NBAS: variants seen among roughly 807,000 people sequenced by gnomAD.
The protein encoded by NBAS is NAG/BC035112 fusion.
NBAS carries 219 observed loss-of-function variants against 302.5 expected under a neutral mutation model. That is an observed-to-expected ratio of 0.72 (90% CI 0.65 to 0.81). The LOEUF (loss-of-function observed/expected upper bound fraction) is 0.81. NBAS is among the 30% of genes least tolerant of loss of function. The pLI, the probability that NBAS is intolerant of heterozygous loss-of-function variation, is 0.00. For synonymous variants in NBAS, 1,118 were observed against 1,021.6 expected (o/e 1.09, Z -1.80); for missense variants, 2,932 against 2,841.6 (o/e 1.03, Z -0.72).
chr2:15,125,855 C>T, the NBAS span, among the ~76,000 whole-genome samples: 395 of 152,224 alleles, frequency 2.6e-3, 1 homozygote, highest in African/African-American at 8.3e-3. Context: ...TCTTTGGACT[C>T]GGAACTTGGA....
At chr2:14,906,611 G>A in the NBAS span, among the ~76,000 whole-genome samples, 154 of 152,266 alleles carry the variant, frequency 1.0e-3, no homozygotes, top group African/African-American at 3.5e-3. Flanking sequence ...CTGAAGCTCT[G>A]AGGGATAACT....
chr2:15,169,325 T>G (rs148497266), intron 51 of NBAS, among the ~76,000 whole-genome samples: 1 of 152,334 alleles, frequency 6.6e-6, no homozygotes, highest in East Asian at 1.9e-4. Context: ...ACCGGTTCAA[T>G]GGACTTGCTT....
At chr2:14,999,139 G>A in the NBAS span, among the ~76,000 whole-genome samples, 1 of 151,698 alleles carries the variant, frequency 6.6e-6, no homozygotes, top group South Asian at 2.1e-4. Context: ...TTAATTCAAG[G>A]CTGCAGGAAT....
At chr2:15,206,516 A>G (rs1666153264) in intron 48 of NBAS, among the ~76,000 whole-genome samples, 1 of 152,196 alleles carries the variant, frequency 6.6e-6, no homozygotes, top group African/African-American at 2.4e-5. Flanking sequence ...AGCCAAGACT[A>G]TGGGGAAAAT....
At chr2:15,164,056 C>CA (rs1229856082), downstream of NBAS, among the ~76,000 whole-genome samples, 4 of 152,226 alleles carry the variant, frequency 2.6e-5, no homozygotes, top group Non-Finnish European at 4.4e-5. Flanking sequence ...TTTGGCCTCC[C>CA]AAAGTATTGG....
At chr2:15,532,832 A>G (rs919600727) in intron 9 of NBAS, among the ~76,000 whole-genome samples, 2 of 152,142 alleles carry the variant, frequency 1.3e-5, no homozygotes, top group African/African-American at 4.8e-5. Context: ...TGTAAATATA[A>G]GAAAAAATTT....
At chr2:14,889,648 C>A in the NBAS span, among the ~76,000 whole-genome samples, 2 of 152,190 alleles carry the variant, frequency 1.3e-5, no homozygotes, top group Non-Finnish European at 2.9e-5. Context: ...TTCCAAGATT[C>A]TATTTCCAAG....
intron 44 of NBAS, among the ~76,000 whole-genome samples, chr2:15,248,023 C>A (rs1489463594): frequency 6.6e-6 from 1 of 152,200 alleles, no homozygotes; most frequent in East Asian, 1.9e-4. Context: ...CCACATTGCA[C>A]TTATTCTAAA....
At chr2:15,327,519 T>C (rs1672125748) in intron 38 of NBAS, among the ~76,000 whole-genome samples, 1 of 152,230 alleles carries the variant, frequency 6.6e-6, no homozygotes, top group Non-Finnish European at 1.5e-5. Context: ...GGAATGATAT[T>C]CATCCCTTTA....
At chr2:15,099,179 T>G in the NBAS span, among the ~76,000 whole-genome samples, 1 of 152,000 alleles carries the variant, frequency 6.6e-6, no homozygotes, top group African/African-American at 2.4e-5. Flanking sequence ...GGTGCATGCC[T>G]GTTGTCCCAG....
At chr2:15,312,685 T>C (rs1671334023) in intron 38 of NBAS, among the ~76,000 whole-genome samples, 1 of 152,202 alleles carries the variant, frequency 6.6e-6, no homozygotes, top group South Asian at 2.1e-4. Flanking sequence ...ACACTGCCAC[T>C]CAAATGCTAC....
At chr2:15,302,027 T>C (rs1353039140) in intron 40 of NBAS, among the ~76,000 whole-genome samples, 1 of 152,054 alleles carries the variant, frequency 6.6e-6, no homozygotes, top group Non-Finnish European at 1.5e-5. Flanking sequence ...AATACAGAAG[T>C]AAATAAATGA....
the NBAS span, among the ~76,000 whole-genome samples, chr2:15,099,441 AT>A: frequency 6.6e-6 from 1 of 152,138 alleles, no homozygotes; most frequent in Non-Finnish European, 1.5e-5. Flanking sequence ...GAACATTGTA[AT>A]TTTTTTAAGT....
At chr2:15,483,885 A>C (rs1052845168) in intron 12 of NBAS, among the ~76,000 whole-genome samples, 6 of 152,234 alleles carry the variant, frequency 3.9e-5, no homozygotes, top group Non-Finnish European at 8.8e-5. Flanking sequence ...AACTAAAATT[A>C]TAAGCTGACT....
At chr2:14,797,663 T>C in the NBAS span, among the ~76,000 whole-genome samples, 1 of 108,806 alleles carries the variant, frequency 9.2e-6, no homozygotes, top group Non-Finnish European at 1.8e-5. Flanking sequence ...TGGCCCGGCC[T>C]CTTTGCTCAC....
the NBAS span, among the ~76,000 whole-genome samples, chr2:14,954,098 T>C: frequency 6.6e-6 from 1 of 152,232 alleles, no homozygotes; most frequent in Non-Finnish European, 1.5e-5. Context: ...GCTTTGTGCA[T>C]GCCAGACCCT....
chr2:15,452,218 T>C, intron 21 of NBAS, among the ~76,000 whole-genome samples: 1 of 152,212 alleles, frequency 6.6e-6, no homozygotes, highest in East Asian at 1.9e-4. Context: ...AATGTTGAAC[T>C]GTACACTTAA....
chr2:14,820,953 G>T, the NBAS span, among the ~76,000 whole-genome samples: 1 of 150,558 alleles, frequency 6.6e-6, no homozygotes, highest in African/African-American at 2.4e-5. Context: ...TTTCCGAGAC[G>T]GAGTCTTGCT....
intron 47 of NBAS, among the ~76,000 whole-genome samples, chr2:15,227,733 A>T (rs898006527): frequency 6.6e-6 from 1 of 152,208 alleles, no homozygotes; most frequent in Non-Finnish European, 1.5e-5. Flanking sequence ...ACACACTGGG[A>T]AAAGTACAGT....
Sources: allele counts gnomAD v4.1 joint callset (sites outside exome capture counted in the v4.1 genomes callset), GRCh38; gene constraint gnomAD v4.1.1; transcripts MANE v1.5; gene names NCBI Gene and HGNC (gene_info 2026-07-23, HGNC 2026-07-21).